Variants in CHD4 observed in about 807,000 individuals in gnomAD.
The protein encoded by CHD4 is ATP-dependent chromatin remodeler CHD4.
In CHD4, 35 loss-of-function variants were observed where a neutral mutation model predicts 235.5. That is an observed-to-expected ratio of 0.15 (90% CI 0.11 to 0.20). CHD4 has a LOEUF of 0.20. Ranked by LOEUF, CHD4 falls within the 10% of genes least tolerant of loss-of-function variation. The probability of loss-of-function intolerance (pLI) is 1.00; values close to 1 mark genes in which losing one functional copy is unlikely to be tolerated. For missense variants in CHD4, 1,329 were observed against 2,432.3 expected (o/e 0.55, Z 9.54); for synonymous variants, 900 against 850.2 (o/e 1.06, Z -1.02).
chr12:6,587,574 G>A lies in CHD4; in HGVS notation c.3704-15C>T. On this transcript the variant is annotated splice_polypyrimidine_tract_variant and intron_variant, in intron 24 of 39. Coordinates refer to ENST00000544040, the MANE Select transcript of CHD4 (RefSeq NM_001273.5). ...GTTGTCTCCTCCTATAAAAAATCAA[G>A]GGCCCACATCCCCAAAGTCAGTTTC... is the stretch of plus-strand genomic sequence containing the variant. The A allele has an allele frequency of 6.2e-7, 1 of 1,613,174 alleles. No homozygotes were observed. The highest frequency in any genetic ancestry group is 8.5e-7 in the Non-Finnish European group (1 of 1,179,494).
At position 6,595,946 on chromosome 12, in the gene CHD4, G is replaced by C. The variant is rs953114242; in HGVS notation, c.2024+60C>G. 15 of 1,458,452 alleles carry C rather than the reference G, an allele frequency of 1.0e-5. No individual in the cohort carries two copies. The African/African-American group carries it at 1.5e-4, about 14-fold the overall frequency. 90.3% of individuals were successfully genotyped at this position (1,458,452 alleles called of 1,614,324 possible). A position where few individuals can be genotyped will look rare whatever the true frequency, so the allele number is the denominator to read the frequency against. ...GCACTACAGCTTGGTGACAGAGCAA[G>C]ACTCCATCTCAAAAAAAAAAAAAAA... is the stretch of plus-strand genomic sequence containing the variant. On this transcript the variant is annotated intron_variant, in intron 13 of 39. Coordinates refer to ENST00000544040, the MANE Select transcript of CHD4 (RefSeq NM_001273.5).
chr12:6,593,687 C>CCTG lies in CHD4; in HGVS notation c.2314-74_2314-72dup. ...TGCAACCCCAGCGAACACCCACCAC[C>CCTG]CTGCTGCCCCCTCAAGCTGAGCCAA... On this transcript the variant is annotated intron_variant, in intron 15 of 39. Transcript: ENST00000544040. This position sits in a 1 kb window ranked among gnomAD's most constrained non-coding sequence, Gnocchi z 4.9. 1 of 1,368,158 alleles carries CCTG rather than the reference C, an allele frequency of 7.3e-7. No homozygotes were observed. The highest frequency in any genetic ancestry group is 1.2e-5 in the South Asian group (1 of 82,382). 84.8% of individuals were successfully genotyped at this position (1,368,158 alleles called of 1,614,324 possible).
intron 22 of CHD4, among the ~76,000 whole-genome samples, chr12:6,589,715 C>CA (rs1948358243): frequency 6.7e-6 from 1 of 149,468 alleles, no homozygotes; most frequent in Non-Finnish European, 1.5e-5. Context: ...TGCAGTCAGC[C>CA]AAAATCAGGC....
intron 37 of CHD4, among the ~76,000 whole-genome samples, chr12:6,576,192 A>C (rs1273323251): frequency 1.3e-5 from 2 of 152,036 alleles, no homozygotes; most frequent in Non-Finnish European, 2.9e-5. Context: ...CCCTGTCTCT[A>C]CTAAAAATAC....
At chr12:6,601,581 G>A (rs1247304269) in intron 5 of CHD4, 51 bp from the exon 6 acceptor site, 7 of 1,612,754 alleles carry the variant, frequency 4.3e-6, no homozygotes, top group South Asian at 3.3e-5. Flanking sequence ...AATAAAAAAA[G>A]AAAGAGAAGT....
chr12:6,601,558 G>C (rs752079760), intron 5 of CHD4, 28 bp from the exon 6 acceptor site: 1 of 1,613,794 alleles, frequency 6.2e-7, no homozygotes, highest in Non-Finnish European at 8.5e-7. Flanking sequence ...AAGAGCAGAG[G>C]GAAAGGTTTA....
intron 7 of CHD4, 65 bp downstream of exon 7, chr12:6,600,861 A>C: frequency 6.5e-7 from 1 of 1,527,828 alleles, no homozygotes; most frequent in Non-Finnish European, 8.8e-7. Context: ...ACAGGTTCTG[A>C]TAGAAGGTCA....
At position 6,575,308 on chromosome 12, in the gene CHD4, C is replaced by A. The variant is rs377748407; in HGVS notation, c.5362-2039G>T. Among the ~76,000 whole-genome samples the A allele has an allele frequency of 3.3e-5, 5 of 152,086 alleles. No homozygotes were observed. The East Asian group carries it at 5.8e-4, about 18-fold the overall frequency. On this transcript the variant is annotated intron_variant, in intron 37 of 39. Coordinates refer to ENST00000544040, the MANE Select transcript of CHD4 (RefSeq NM_001273.5). ...ACTAAAAATACAAAAATTAGTCAGG[C>A]ATGGTGGTACATGCCTGTAATCCCA...
Position 6,581,020 on chromosome 12 carries a change from C to CA in CHD4, c.4909+23dup, listed in dbSNP as rs200609075. On this transcript the variant is annotated intron_variant, in intron 33 of 39. Coordinates refer to ENST00000544040, the MANE Select transcript of CHD4 (RefSeq NM_001273.5). Reference sequence around the variant, plus strand: ...CACTGTCTCAAAACAAACAAACAAACAAAAAAAATGTGGATACCTTTACCT... The same window carrying CA: ...CACTGTCTCAAAACAAACAAACAAACAAAAAAAAATGTGGATACCTTTACCT... 875 of 1,605,848 alleles carry CA rather than the reference C, an allele frequency of 5.4e-4. 2 individuals carry two copies. The highest frequency in any genetic ancestry group is 4.0e-3 in the East Asian group (175 of 44,142).
Position 6,594,418 on chromosome 12 carries a change from A to C in CHD4, c.2313+41T>G, listed in dbSNP as rs761972899. On this transcript the variant is annotated intron_variant, in intron 15 of 39. Transcript: ENST00000544040. ...AGTGTAAGTTAAGGCTTCAAACACA[A>C]AACACCCACACAAAAAACTATCCAC... The C allele has an allele frequency of 1.9e-6, 3 of 1,555,714 alleles. No homozygotes were observed. In the Admixed American group the frequency reaches 5.7e-5, roughly 30 times the overall value.
chr12:6,601,345 G>T lies in CHD4; in HGVS notation c.743C>A (p.Pro248Gln), dbSNP rs368236345. 6.8e-6 allele frequency: 11 copies of T among 1,613,978 alleles called. No homozygotes were observed. Among genetic ancestry groups the T allele is most frequent in the Non-Finnish European group, 8.5e-6 (10 of 1,180,008 alleles). Residue 248 changes from proline to glutamine, a missense_variant, in exon 6 of 40, where the codon CCA (proline) becomes CAA (glutamine). By Grantham distance (76) the Pro-to-Gln change is moderately conservative. Transcript: ENST00000544040. The part of the protein sequence containing the change: ...ESMVTATEVA[P>Q]PPPPVEVPIR... Reference sequence around the variant, plus strand: ...AGGCACCTCCACAGGGGGAGGTGGTGGTGCAACCTCAGTGGCTGTCACCAT... The same window carrying T: ...AGGCACCTCCACAGGGGGAGGTGGTTGTGCAACCTCAGTGGCTGTCACCAT...
chr12:6,600,719 A>T, intron 7 of CHD4, 50 bp from the exon 8 acceptor site: 1 of 1,605,084 alleles, frequency 6.2e-7, no homozygotes, highest in South Asian at 1.1e-5. Context: ...AAGGGGAAGG[A>T]CAGAGTGGCA....
intron 37 of CHD4, among the ~76,000 whole-genome samples, chr12:6,577,049 G>A (rs1468407914): frequency 6.6e-6 from 1 of 151,872 alleles, no homozygotes; most frequent in Admixed American, 6.6e-5. Flanking sequence ...CGATTCTCCT[G>A]CATCAGCCTC....
chr12:6,592,129 C>G, intron 19 of CHD4, 72 bp from the exon 20 acceptor site: 1 of 1,570,756 alleles, frequency 6.4e-7, no homozygotes, highest in South Asian at 1.1e-5. Context: ...GTGCCAACAA[C>G]TGAGATCTTT....
intron 6 of CHD4, 91 bp from the exon 7 acceptor site, chr12:6,601,144 G>A: frequency 6.6e-7 from 1 of 1,524,106 alleles, no homozygotes; most frequent in Non-Finnish European, 8.8e-7. Context: ...CCCACATTCA[G>A]ATTCCCAAAT....
chr12:6,602,590 C>G, intron 2 of CHD4, 93 bp from the exon 3 acceptor site: 2 of 1,484,124 alleles, frequency 1.3e-6, no homozygotes, highest in Non-Finnish European at 1.8e-6. Context: ...TATTCCCCAC[C>G]TCTTGTCCCA....
chr12:6,592,188 C>A, intron 19 of CHD4, 131 bp from the exon 20 acceptor site: 1 of 1,266,624 alleles, frequency 7.9e-7, no homozygotes, highest in Non-Finnish European at 1.1e-6. Flanking sequence ...CGCACAAGCA[C>A]TACCACCACC....
intron 1 of CHD4, 197 bp from the exon 2 acceptor site, chr12:6,606,648 G>A: frequency 2.8e-6 from 1 of 354,918 alleles, no homozygotes; most frequent in Non-Finnish European, 5.1e-6. Flanking sequence ...CACGGAGCGA[G>A]GGAGCGACGC....
chr12:6,585,838 C>A (rs953570903), intron 25 of CHD4, among the ~76,000 whole-genome samples: 8 of 151,132 alleles, frequency 5.3e-5, no homozygotes, highest in African/African-American at 1.5e-4. Flanking sequence ...TGGCTCATGC[C>A]TGTAATCCCA....
Sources: allele counts gnomAD v4.1 joint callset (sites outside exome capture counted in the v4.1 genomes callset), GRCh38; gene constraint gnomAD v4.1.1; non-coding constraint Gnocchi (gnomAD v3.1); transcripts MANE v1.5; gene names NCBI Gene and HGNC (gene_info 2026-07-23, HGNC 2026-07-21).